CDK5RAP2: variants seen among roughly 807,000 people sequenced by gnomAD.
The protein encoded by CDK5RAP2 is CDK5 regulatory subunit-associated protein 2.
A neutral mutation model predicts 232.9 loss-of-function variants in CDK5RAP2; 147 were observed. That is an observed-to-expected ratio of 0.63 (90% CI 0.55 to 0.72). CDK5RAP2 has a LOEUF of 0.72. Among genes scored for constraint, CDK5RAP2 ranks in the 30% least tolerant of loss-of-function variants. The probability of loss-of-function intolerance (pLI) is 0.00; values close to 1 mark genes in which losing one functional copy is unlikely to be tolerated. For missense variants in CDK5RAP2, 2,195 were observed against 2,231.5 expected, an observed-to-expected ratio of 0.98 and a Z score of 0.33; for synonymous variants, 833 against 833.7, an observed-to-expected ratio of 1.00 and a Z score of 0.01.
At chr9:120,553,181 G>A (rs894645218) in intron 3 of CDK5RAP2, among the ~76,000 whole-genome samples, 1 of 152,116 alleles carries the variant, frequency 6.6e-6, no homozygotes, top group South Asian at 2.1e-4. Flanking sequence ...CAAAGATCAC[G>A]CCAGTAGGGG....
intron 25 of CDK5RAP2, among the ~76,000 whole-genome samples, chr9:120,422,947 G>GT (rs1215215069): frequency 1.3e-5 from 2 of 152,154 alleles, no homozygotes; most frequent in African/African-American, 2.4e-5. Flanking sequence ...CTAGTGCTAG[G>GT]TGACAGCACT....
intron 2 of CDK5RAP2, among the ~76,000 whole-genome samples, chr9:120,571,017 G>T (rs183512200): frequency 2.0e-5 from 3 of 152,252 alleles, no homozygotes; most frequent in African/African-American, 4.8e-5. Context: ...AAATTAGCCA[G>T]GTGTCGTGGC....
At chr9:120,437,618 T>C in intron 24 of CDK5RAP2, 91 bp from the exon 25 acceptor site, 2 of 929,242 alleles carry the variant, frequency 2.2e-6, no homozygotes, top group African/African-American at 3.2e-5. Context: ...CAGAGTACAA[T>C]TTTTAAAAGC....
chr9:120,423,528 A>G (rs1426077876), intron 25 of CDK5RAP2, among the ~76,000 whole-genome samples: 2 of 152,228 alleles, frequency 1.3e-5, no homozygotes, highest in Admixed American at 6.5e-5. Context: ...CTCAGAATGT[A>G]GCTGGGCAAA....
In CDK5RAP2 at chr9:120,530,227, T is replaced by A. The variant is rs552093188; in HGVS notation, c.663-87A>T. On this transcript the variant is annotated intron_variant, in intron 7 of 37. Coordinates refer to ENST00000349780, the MANE Select transcript of CDK5RAP2 (RefSeq NM_018249.6). Reference sequence around the variant, plus strand: ...AGGAGGAAGGAAATGGGGCCAGATATCTTCAAAGTAGACATATACAATGGC... The same window carrying A: ...AGGAGGAAGGAAATGGGGCCAGATAACTTCAAAGTAGACATATACAATGGC... 1.7e-4 allele frequency: 163 copies of A among 939,722 alleles called. 3 individuals carry two copies. In the Admixed American group the frequency reaches 2.9e-3, roughly 17 times the overall value. The allele number at this position is 939,722 out of a possible 1,614,324, so 58.2% of individuals were successfully genotyped here. A position where few individuals can be genotyped will look rare whatever the true frequency, so the allele number is the denominator to read the frequency against.
chr9:120,476,360 C>T (rs1318874466), intron 15 of CDK5RAP2, among the ~76,000 whole-genome samples: 1 of 152,062 alleles, frequency 6.6e-6, no homozygotes, highest in Non-Finnish European at 1.5e-5. Context: ...GAAATGAATC[C>T]CAGACATCAT....
chr9:120,569,751 G>A (rs1488340754), intron 2 of CDK5RAP2, among the ~76,000 whole-genome samples: 2 of 152,176 alleles, frequency 1.3e-5, no homozygotes, highest in Non-Finnish European at 2.9e-5. Flanking sequence ...ATTCGACTTA[G>A]GTTTCTACAG....
chr9:120,557,428 C>A (rs2042270916), intron 3 of CDK5RAP2, among the ~76,000 whole-genome samples: 1 of 152,052 alleles, frequency 6.6e-6, no homozygotes. Flanking sequence ...TACTAAATAG[C>A]CAATGGTTGG....
chr9:120,433,033 G>C (rs75636092), intron 25 of CDK5RAP2, among the ~76,000 whole-genome samples: 2 of 152,276 alleles, frequency 1.3e-5, no homozygotes, highest in African/African-American at 4.8e-5. Context: ...GTCCTCAAAA[G>C]TCCTGGGAAC....
At chr9:120,408,615 C>A in intron 30 of CDK5RAP2, 147 bp from the exon 31 acceptor site, 1 of 896,548 alleles carries the variant, frequency 1.1e-6, no homozygotes, top group Non-Finnish European at 1.8e-6. Context: ...TCCATGTGCT[C>A]TCTAATCCTA....
At chr9:120,543,643 G>A (rs2041727877) in intron 5 of CDK5RAP2, among the ~76,000 whole-genome samples, 1 of 152,168 alleles carries the variant, frequency 6.6e-6, no homozygotes, top group South Asian at 2.1e-4. Context: ...CGGATCACAT[G>A]AGGCCAGGGG....
rs1173185930 is a variant in CDK5RAP2 at position 120,389,724 on chromosome 9, A to C, written c.5625+17T>G. On this transcript the variant is annotated intron_variant, in intron 37 of 37. Transcript: ENST00000349780. The stretch of plus-strand genomic sequence containing the variant: ...GACCTTCCACTGGCCTGCAGTGAAA[A>C]GACTCAAAGGGCATACCTCCAGGTT... 2 of 1,613,520 alleles carry C rather than the reference A, an allele frequency of 1.2e-6. No homozygotes were observed. Among genetic ancestry groups the C allele is most frequent in the South Asian group, 2.2e-5 (2 of 91,074 alleles).
In CDK5RAP2 at chr9:120,491,323, T is replaced by G. The variant is rs769294335; in HGVS notation, c.1466A>C (p.Lys489Thr). The change falls in exon 13 of 38, where the codon AAG (lysine) becomes ACG (threonine). Residue 489 changes from lysine (K) to threonine (T), a missense_variant. By Grantham distance (78) the Lys-to-Thr change is moderately conservative (BLOSUM62 -1). Coordinates refer to ENST00000349780, the MANE Select transcript of CDK5RAP2 (RefSeq NM_018249.6). ...TTACAGTACCTGAAGCAACACGTCC[T>G]TCTGATTGGTACTTTCTGTTAGATG... ...IKHLTESTNQ[K>T]DVLLQKFNEK... The G allele has an allele frequency of 1.4e-5, 23 of 1,613,382 alleles. No homozygotes were observed. The highest frequency in any genetic ancestry group is 1.7e-5 in the Non-Finnish European group (20 of 1,179,642).
intron 3 of CDK5RAP2, among the ~76,000 whole-genome samples, chr9:120,551,850 C>T (rs755685630): frequency 1.7e-4 from 26 of 152,112 alleles, no homozygotes; most frequent in Non-Finnish European, 3.8e-4. Context: ...GAGACACATG[C>T]TAATGTACTT....
chr9:120,470,556 T>C (rs930124893), intron 16 of CDK5RAP2, among the ~76,000 whole-genome samples: 1 of 152,102 alleles, frequency 6.6e-6, no homozygotes, highest in African/African-American at 2.4e-5. Flanking sequence ...TCAGTTTAAA[T>C]GAGGGACTGA....
chr9:120,470,313 T>C (rs974449377), intron 16 of CDK5RAP2, 93 bp from the exon 17 acceptor site: 5 of 654,024 alleles, frequency 7.6e-6, no homozygotes, highest in Admixed American at 5.8e-5. Flanking sequence ...GTGCAATCCA[T>C]CCAAAGCAAT....
intron 18 of CDK5RAP2, 78 bp from the exon 19 acceptor site, chr9:120,460,745 T>C: frequency 1.3e-6 from 2 of 1,581,236 alleles, no homozygotes; most frequent in Non-Finnish European, 1.7e-6. Flanking sequence ...AAGTCAGTGA[T>C]GTCTTTTTTT....
intron 24 of CDK5RAP2, among the ~76,000 whole-genome samples, chr9:120,439,042 A>C (rs1238453700): frequency 6.6e-6 from 1 of 152,228 alleles, no homozygotes; most frequent in African/African-American, 2.4e-5. Context: ...AGCCAGTAAC[A>C]GAGTCCAGGA....
rs1554770753 is a variant in CDK5RAP2 at position 120,518,210 on chromosome 9, T to TGTGTGAGACA, written c.1311+216_1311+217insTGTCTCACAC. On this transcript the variant is annotated intron_variant, in intron 12 of 37. Transcript: ENST00000349780. ...GTGTGTGTGTGTGTGTGTGTGTGTG[T>TGTGTGAGACA]GAGAGAGAGAGAGAGAGAGAGAGAG... is the stretch of plus-strand genomic sequence containing the variant. 3.1e-3 allele frequency among the ~76,000 whole-genome samples: 135 copies of TGTGTGAGACA among 43,982 alleles called. 2 individuals carry two copies. The highest frequency in any genetic ancestry group is 2.7e-3 in the Non-Finnish European group (55 of 20,304). The allele number at this position is 43,982 out of a possible 152,430, so 28.9% of individuals were successfully genotyped here.
Sources: gnomAD v4.1 joint callset for allele counts (sites outside exome capture counted in the v4.1 genomes callset) on GRCh38, gnomAD v4.1.1 for gene constraint, MANE v1.5 for transcripts, NCBI Gene and HGNC (gene_info 2026-07-23, HGNC 2026-07-21) for gene names.